Variants in DNAH12 observed in about 807,000 individuals in gnomAD.
DNAH12 encodes axonemal beta dynein heavy chain 12.
A neutral mutation model predicts 371.5 loss-of-function variants in DNAH12; 285 were observed. The observed-to-expected ratio is 0.77, with a 90% confidence interval of 0.70 to 0.85. The LOEUF is 0.85. DNAH12 is among the 40% of genes least tolerant of loss of function. The pLI, the probability that DNAH12 is intolerant of heterozygous loss-of-function variation, is 0.00. For missense variants in DNAH12, 3,611 were observed against 3,689.4 expected (o/e 0.98, Z 0.55); for synonymous variants, 1,200 against 1,213.0 (o/e 0.99, Z 0.22).
rs868817697 is a variant in DNAH12 at position 57,307,453 on chromosome 3, A to T, written c.11189+1698T>A. Among the ~76,000 whole-genome samples the T allele has an allele frequency of 3.9e-5, 6 of 152,296 alleles. No homozygotes were observed. In the South Asian group the frequency reaches 1.2e-3, roughly 32 times the overall value. ...TCAGAATTCTTACACAAGAACTGCG[A>T]CTGCGCCCTGTAGCCTTTTTATCCA... On this transcript the variant is annotated intron_variant, in intron 69 of 73. Coordinates refer to ENST00000495027, the MANE Select transcript of DNAH12 (RefSeq NM_001366028.2).
intron 25 of DNAH12, among the ~76,000 whole-genome samples, chr3:57,448,459 T>TC (rs1031534737): frequency 1.3e-5 from 2 of 151,366 alleles, no homozygotes; most frequent in African/African-American, 2.4e-5. Flanking sequence ...TGTTCGTTCC[T>TC]CCCAGGGGGG....
At position 57,509,208 on chromosome 3, in the gene DNAH12, C is replaced by G. The variant is rs752529872; in HGVS notation, c.474G>C (p.Gln158His). The G allele has an allele frequency of 5.0e-6, 8 of 1,613,294 alleles. No homozygotes were observed. The Admixed American group carries it at 1.0e-4, about 20-fold the overall frequency. The change falls in exon 6 of 74, where the codon CAG becomes CAC. Residue 158 changes from glutamine to histidine, a missense_variant. Physicochemically the swap from Gln to His is conservative, Grantham distance 24 (BLOSUM62 0). Around this residue, in one of 3 missense-constraint regions of DNAH12, gnomAD observed 1,314 missense variants for 1,398.7 expected, o/e 0.94. Coordinates refer to ENST00000495027, the MANE Select transcript of DNAH12 (RefSeq NM_001366028.2). The stretch of plus-strand genomic sequence containing the variant: ...TAACTGGTGGTTTCACAAGAACGCT[C>G]TGCACTAAAATACATGGATATATTA... The part of the protein sequence containing the change: ...FENSMKRYLV[Q>H]SVLVKPPVKS...
intron 25 of DNAH12, 69 bp downstream of exon 25, chr3:57,452,774 G>T: frequency 7.2e-7 from 1 of 1,388,720 alleles, no homozygotes; most frequent in Non-Finnish European, 9.7e-7. Flanking sequence ...GGTAAGACAA[G>T]AGAGAAAAGA....
chr3:57,306,294 G>T (rs112256564), intron 69 of DNAH12, among the ~76,000 whole-genome samples: 3 of 152,112 alleles, frequency 2.0e-5, no homozygotes, highest in African/African-American at 7.2e-5. Context: ...TCTTTTCAAG[G>T]GTCTGTTTCC....
At chr3:57,343,831 T>G (rs1421164694) in intron 60 of DNAH12, among the ~76,000 whole-genome samples, 1 of 152,176 alleles carries the variant, frequency 6.6e-6, no homozygotes, top group Non-Finnish European at 1.5e-5. Context: ...AATGCTACCT[T>G]GTTATTCTTT....
intron 50 of DNAH12, among the ~76,000 whole-genome samples, chr3:57,380,993 C>A (rs1459430265): frequency 6.6e-6 from 1 of 152,106 alleles, no homozygotes; most frequent in Non-Finnish European, 1.5e-5. Flanking sequence ...TTTATTACTT[C>A]TAAATTTATT....
chr3:57,413,999 A>G (rs2064287887), intron 38 of DNAH12, 87 bp from the exon 39 acceptor site: 5 of 1,350,472 alleles, frequency 3.7e-6, no homozygotes, highest in Non-Finnish European at 4.0e-6. Flanking sequence ...CAACAAGTAA[A>G]ACAACCCATT....
At chr3:57,346,924 G>A (rs554550206) in intron 60 of DNAH12, among the ~76,000 whole-genome samples, 33 of 152,198 alleles carry the variant, frequency 2.2e-4, no homozygotes, top group South Asian at 1.2e-3. Flanking sequence ...AGGGAAAACA[G>A]ATAATATGAA....
At chr3:57,395,694 G>A (rs1326151331) in intron 43 of DNAH12, among the ~76,000 whole-genome samples, 1 of 151,314 alleles carries the variant, frequency 6.6e-6, no homozygotes, top group Non-Finnish European at 1.5e-5. Flanking sequence ...CCTATAATCT[G>A]AGCACTTTGA....
chr3:57,454,658 C>G, intron 23 of DNAH12, 117 bp downstream of exon 23: 3 of 1,367,668 alleles, frequency 2.2e-6, no homozygotes, highest in Non-Finnish European at 2.0e-6. Flanking sequence ...TTTCTTGAGG[C>G]CAGGAGTTCA....
chr3:57,314,451 A>G (rs2061644081), intron 66 of DNAH12, 43 bp downstream of exon 66: 1 of 1,549,756 alleles, frequency 6.5e-7, no homozygotes. Flanking sequence ...AGGGCCTGAT[A>G]AATAGTGATC....
At chr3:57,509,106 G>T in intron 6 of DNAH12, 34 bp downstream of exon 6, 3 of 1,547,748 alleles carry the variant, frequency 1.9e-6, no homozygotes, top group South Asian at 1.2e-5. Context: ...ATCAAAAATT[G>T]GATGAAGTAC....
Position 57,405,917 on chromosome 3 carries a change from A to G in DNAH12, c.6312T>C (p.Thr2104=), listed in dbSNP as rs1448772788. 1 of 1,546,936 alleles carries G rather than the reference A, an allele frequency of 6.5e-7. No homozygotes were observed. The highest frequency in any genetic ancestry group is 8.7e-7 in the Non-Finnish European group (1 of 1,142,900). ...YKQSVENLLP[T]PTKSHYTFNL... is the part of the protein sequence containing the mutation. ...TGAAAGTATAATGGGATTTTGTGGG[A>G]GTGGGTAAAAGATTTTCCACAGATT... The change falls in exon 41 of 74, where the codon ACT becomes ACC. Residue 2104 remains threonine (T), a synonymous_variant. Transcript: ENST00000495027.
intron 60 of DNAH12, among the ~76,000 whole-genome samples, chr3:57,336,040 G>A (rs540753282): frequency 2.0e-5 from 3 of 152,238 alleles, no homozygotes; most frequent in African/African-American, 7.2e-5. Context: ...GAAGTGCAGT[G>A]GCACAATCAT....
In DNAH12 at chr3:57,323,052, A is replaced by G. The variant is rs1559552606; in HGVS notation, c.10338T>C (p.Cys3446=). Residue 3446 remains cysteine (C), a synonymous_variant, in exon 64 of 74, where the codon TGT becomes TGC. Coordinates refer to ENST00000495027, the MANE Select transcript of DNAH12 (RefSeq NM_001366028.2). The part of the protein sequence containing the change: ...KICEDFTSET[C]NSSFRLWLTS... Reference sequence around the variant, plus strand: ...TCAGCCAAAGCCTAAAGGATGAGTTACAGGTTTCAGAGGTAAAATCTTCAC... The same window carrying G: ...TCAGCCAAAGCCTAAAGGATGAGTTGCAGGTTTCAGAGGTAAAATCTTCAC... 1 of 1,552,374 alleles carries G rather than the reference A, an allele frequency of 6.4e-7. No individual in the cohort carries two copies. The highest frequency in any genetic ancestry group is 1.2e-5 in the South Asian group (1 of 84,062).
chr3:57,352,931 A>C (rs2062714669), intron 59 of DNAH12, among the ~76,000 whole-genome samples: 1 of 152,050 alleles, frequency 6.6e-6, no homozygotes, highest in Admixed American at 6.5e-5. Flanking sequence ...TCTACTAAAA[A>C]TACAAAAATT....
chr3:57,480,929 A>C (rs2066720113), intron 13 of DNAH12, among the ~76,000 whole-genome samples: 1 of 152,210 alleles, frequency 6.6e-6, no homozygotes, highest in African/African-American at 2.4e-5. Flanking sequence ...TCAAAATAAT[A>C]AGAGCTATCT....
At chr3:57,487,278 A>T (rs554336419) in intron 12 of DNAH12, among the ~76,000 whole-genome samples, 43 of 105,460 alleles carry the variant, frequency 4.1e-4, no homozygotes, top group Non-Finnish European at 7.4e-4. Context: ...TCTAATAGAA[A>T]AGAAGGAAGA....
intron 60 of DNAH12, among the ~76,000 whole-genome samples, chr3:57,342,651 C>CAAAAAA (rs71088061): frequency 1.1e-4 from 4 of 35,068 alleles, no homozygotes; most frequent in African/African-American, 2.5e-4. Context: ...GACTGAGACT[C>CAAAAAA]AAAAAAAAAA....
Sources: allele counts gnomAD v4.1 joint callset (sites outside exome capture counted in the v4.1 genomes callset), GRCh38; gene constraint gnomAD v4.1.1; regional missense constraint gnomAD v4.1.1; transcripts MANE v1.5; gene names NCBI Gene and HGNC (gene_info 2026-07-23, HGNC 2026-07-21).